The following C8orf34 variants were observed in gnomAD, a reference collection of about 807,000 sequenced individuals.
C8orf34 encodes chromosome 8 open reading frame 34, also known as uncharacterized protein C8orf34.
In C8orf34, 65 loss-of-function variants were observed where a neutral mutation model predicts 68.3. The ratio of observed to expected loss-of-function variants is 0.95; its 90% CI spans 0.78 to 1.17. C8orf34 has a LOEUF of 1.17. Ranked by LOEUF, C8orf34 falls within the 50% of genes most tolerant of loss-of-function variation. The probability of loss-of-function intolerance (pLI) is 0.00; values close to 1 mark genes in which losing one functional copy is unlikely to be tolerated. For synonymous variants in C8orf34, 244 were observed against 241.2 expected (o/e 1.01, Z -0.11); for missense variants, 664 against 655.4 (o/e 1.01, Z -0.14).
intron 1 of C8orf34, among the ~76,000 whole-genome samples, chr8:68,389,741 G>A (rs1808405153): frequency 6.6e-6 from 1 of 152,114 alleles, no homozygotes; most frequent in Admixed American, 6.6e-5. Flanking sequence ...ATAAAAGAAG[G>A]TGATTTTTTG....
intron 3 of C8orf34, among the ~76,000 whole-genome samples, chr8:68,451,567 G>A (rs755477071): frequency 6.6e-6 from 1 of 151,978 alleles, no homozygotes; most frequent in Non-Finnish European, 1.5e-5. Context: ...CAGGGAATAG[G>A]GAAGCCCAAG....
At chr8:68,802,379 C>T (rs1038660776) in intron 12 of C8orf34, among the ~76,000 whole-genome samples, 6 of 152,278 alleles carry the variant, frequency 3.9e-5, no homozygotes, top group Admixed American at 6.5e-5. Flanking sequence ...GGATTACAGG[C>T]GTGAGCCACC....
intron 10 of C8orf34, among the ~76,000 whole-genome samples, chr8:68,770,808 C>G (rs557871363): frequency 2.0e-5 from 3 of 152,228 alleles, no homozygotes; most frequent in Non-Finnish European, 4.4e-5. Context: ...CATAATTGCT[C>G]CTTCTCATTT....
At chr8:68,722,461 T>C (rs1182007169) in intron 10 of C8orf34, among the ~76,000 whole-genome samples, 1 of 152,072 alleles carries the variant, frequency 6.6e-6, no homozygotes, top group Non-Finnish European at 1.5e-5. Flanking sequence ...TAAAACATTA[T>C]TCAGATCATA....
At position 68,601,935 on chromosome 8, in the gene C8orf34, TG is replaced by T. The variant is rs370123689; in HGVS notation, c.1106-38438del. On this transcript the variant is annotated intron_variant, in intron 7 of 13. Transcript: ENST00000518698. ...TGGATGTGGATGTTCCATTTCCCAC[TG>T]GGCCTTGATGAAAACTAGAGCACTC... Among the ~76,000 whole-genome samples the T allele has an allele frequency of 2.7e-4, 41 of 152,274 alleles. No individual in the cohort carries two copies. In the East Asian group the frequency reaches 7.7e-3, roughly 29 times the overall value.
intron 7 of C8orf34, among the ~76,000 whole-genome samples, chr8:68,631,452 T>C (rs1326527875): frequency 6.6e-6 from 1 of 152,152 alleles, no homozygotes; most frequent in Non-Finnish European, 1.5e-5. Context: ...TCCTGCATGA[T>C]TATTATAATA....
At chr8:68,431,714 C>G (rs912580117) in intron 1 of C8orf34, among the ~76,000 whole-genome samples, 1 of 152,144 alleles carries the variant, frequency 6.6e-6, no homozygotes, top group African/African-American at 2.4e-5. Flanking sequence ...AGGCATCAGA[C>G]AAAATATTGC....
At chr8:68,649,031 T>TA (rs1288842791) in intron 8 of C8orf34, among the ~76,000 whole-genome samples, 1 of 152,228 alleles carries the variant, frequency 6.6e-6, no homozygotes, top group Non-Finnish European at 1.5e-5. Flanking sequence ...TTTTTTTTCT[T>TA]AACTATTTTA....
chr8:68,740,147 A>G (rs1822240183), intron 10 of C8orf34, among the ~76,000 whole-genome samples: 1 of 152,222 alleles, frequency 6.6e-6, no homozygotes. Context: ...AAATTATAAA[A>G]ATTCTGGAAG....
chr8:68,724,634 T>C (rs1321346299), intron 10 of C8orf34, among the ~76,000 whole-genome samples: 2 of 152,198 alleles, frequency 1.3e-5, no homozygotes, highest in Non-Finnish European at 2.9e-5. Context: ...CTCTCTCTTT[T>C]CTGGACTGCC....
intron 7 of C8orf34, among the ~76,000 whole-genome samples, chr8:68,615,432 T>A (rs1818174943): frequency 1.3e-5 from 2 of 152,108 alleles, no homozygotes; most frequent in Non-Finnish European, 1.5e-5. Context: ...GGGTTTGTCA[T>A]AGATAGTTCT....
chr8:68,369,315 G>A (rs1452983829), intron 1 of C8orf34, among the ~76,000 whole-genome samples: 2 of 152,162 alleles, frequency 1.3e-5, no homozygotes, highest in Non-Finnish European at 2.9e-5. Flanking sequence ...ATGCTTACAG[G>A]TTTGCTTCTT....
At chr8:68,475,287 G>C (rs1313111193) in intron 4 of C8orf34, among the ~76,000 whole-genome samples, 1 of 152,062 alleles carries the variant, frequency 6.6e-6, no homozygotes, top group African/African-American at 2.4e-5. Flanking sequence ...CCCTCTCTTT[G>C]TGCTTCTATA....
intron 3 of C8orf34, among the ~76,000 whole-genome samples, chr8:68,452,751 T>C (rs1811395690): frequency 6.6e-6 from 1 of 151,380 alleles, no homozygotes; most frequent in Non-Finnish European, 1.5e-5. Flanking sequence ...TTTATGTACA[T>C]CAGTTTTTAA....
At chr8:68,595,355 T>A (rs1300929704) in intron 7 of C8orf34, among the ~76,000 whole-genome samples, 1 of 152,064 alleles carries the variant, frequency 6.6e-6, no homozygotes, top group African/African-American at 2.4e-5. Context: ...AATTTTCCCC[T>A]TGCATTAAGG....
At chr8:68,372,192 G>A (rs983905350) in intron 1 of C8orf34, among the ~76,000 whole-genome samples, 1 of 152,118 alleles carries the variant, frequency 6.6e-6, no homozygotes, top group African/African-American at 2.4e-5. Flanking sequence ...GTTAGAAAAC[G>A]GAAACCACAT....
At chr8:68,567,193 A>G (rs539526934) in intron 7 of C8orf34, among the ~76,000 whole-genome samples, 44 of 151,792 alleles carry the variant, frequency 2.9e-4, no homozygotes, top group African/African-American at 1.0e-3. Flanking sequence ...AATAATGTTA[A>G]TAGGATTGGT....
Position 68,403,887 on chromosome 8 carries a change from G to A in C8orf34, c.328-35612G>A, listed in dbSNP as rs184979866. Among the ~76,000 whole-genome samples the A allele has an allele frequency of 3.3e-5, 5 of 152,168 alleles. No individual in the cohort carries two copies. The East Asian group carries it at 9.7e-4, about 29-fold the overall frequency. ...ATGGCAGAATGATTTATAACCCTTT[G>A]GGTATATACCCAGTAATGGGATTAC... On this transcript the variant is annotated intron_variant, in intron 1 of 13. Coordinates refer to ENST00000518698, the MANE Select transcript of C8orf34 (RefSeq NM_052958.4).
intron 5 of C8orf34, among the ~76,000 whole-genome samples, chr8:68,510,630 A>G (rs1814226135): frequency 7.2e-6 from 1 of 139,764 alleles, no homozygotes; most frequent in South Asian, 2.1e-4. Flanking sequence ...GTACTCATTT[A>G]TGTTGAGAAA....
Sources: gnomAD v4.1 joint callset for allele counts (sites outside exome capture counted in the v4.1 genomes callset) on GRCh38, gnomAD v4.1.1 for gene constraint, MANE v1.5 for transcripts, NCBI Gene and HGNC (gene_info 2026-07-23, HGNC 2026-07-21) for gene names.